Variants in SARS1 observed in about 807,000 individuals in gnomAD.
The protein encoded by SARS1 is serine--tRNA ligase, cytoplasmic.
SARS1 carries 25 observed loss-of-function variants against 63.7 expected under a neutral mutation model. That is an observed-to-expected ratio of 0.39 (90% CI 0.29 to 0.55). The LOEUF (loss-of-function observed/expected upper bound fraction) is 0.55, where lower values mean the gene tolerates loss of function less well. SARS1 is among the 20% of genes least tolerant of loss of function. The probability of loss-of-function intolerance (pLI) is 0.62; values close to 1 mark genes in which losing one functional copy is unlikely to be tolerated. For missense variants in SARS1, 417 were observed against 649.7 expected, an observed-to-expected ratio of 0.64 and a Z score of 3.89; for synonymous variants, 231 against 243.5, an observed-to-expected ratio of 0.95 and a Z score of 0.48.
rs147863556 is a variant in SARS1, at chr1:109,222,473, G to C, written c.137-1505G>C. On this transcript the variant is annotated intron_variant, in intron 1 of 10. Coordinates refer to ENST00000234677, the MANE Select transcript of SARS1 (RefSeq NM_006513.4). ...TACAGAACTGTTTCATCACCACAAA[G>C]ATCCTTCTTGCTATCTCTTTGTAGT... Among the ~76,000 whole-genome samples, 35 of 152,240 alleles carry C rather than the reference G, an allele frequency of 2.3e-4. 2 individuals are homozygous for C. In the East Asian group the frequency reaches 6.2e-3, roughly 27 times the overall value.
chr1:109,219,262 C>CATATATATATATATATATATATGTATAT (rs1654866415), intron 1 of SARS1, among the ~76,000 whole-genome samples: 1 of 76,936 alleles, frequency 1.3e-5, no homozygotes, highest in Non-Finnish European at 2.8e-5. Flanking sequence ...CAAGACTCTC[C>CATATATATATATATATATATATGTATAT]ATATATATAT....
At chr1:109,215,496 G>T in intron 1 of SARS1, 1 of 984,510 alleles carries the variant, frequency 1.0e-6, no homozygotes, top group Non-Finnish European at 1.2e-6. Flanking sequence ...CAGTATATAT[G>T]TGGATATACA....
Position 109,237,103 on chromosome 1 carries a change from A to C in SARS1, c.1258-141A>C. 1 of 1,348,548 alleles carries C rather than the reference A, an allele frequency of 7.4e-7. No individual in the cohort carries two copies. The highest frequency in any genetic ancestry group is 2.4e-5 in the East Asian group (1 of 42,194). The allele number at this position is 1,348,548 out of a possible 1,614,324, so 83.5% of individuals were successfully genotyped here. A position where few individuals can be genotyped will look rare whatever the true frequency, so the allele number is the denominator to read the frequency against. On this transcript the variant is annotated intron_variant, in intron 9 of 10. Transcript: ENST00000234677. This position sits in a 1 kb window ranked among gnomAD's most constrained non-coding sequence, Gnocchi z 4.1. ...TACCAAATAATTCAAATTTAGAAAA[A>C]AGTTGCTAAGGGGTAGAACCCATCA...
chr1:109,235,112 T>C lies in SARS1; in HGVS notation c.748-98T>C. ...CTCCCAGGCAGGGATTAAAGGAAAT[T>C]TTTCCTGCACTATTATTGATCTCTT... On this transcript the variant is annotated intron_variant, in intron 6 of 10. Coordinates refer to ENST00000234677, the MANE Select transcript of SARS1 (RefSeq NM_006513.4). The surrounding 1 kb of genome is among the most constrained non-coding windows in gnomAD (Gnocchi z 4.7). The C allele has an allele frequency of 1.0e-6, 1 of 979,190 alleles. No homozygotes were observed. Among genetic ancestry groups the C allele is most frequent in the South Asian group, 1.4e-5 (1 of 72,616 alleles). The allele number at this position is 979,190 out of a possible 1,614,324, so 60.7% of individuals were successfully genotyped here.
chr1:109,222,060 TG>T (rs1365409093), intron 1 of SARS1, among the ~76,000 whole-genome samples: 1 of 128,144 alleles, frequency 7.8e-6, no homozygotes, highest in East Asian at 2.4e-4. Flanking sequence ...GACAGGGTTT[TG>T]CCACGTTGCC....
chr1:109,230,817 AT>A (rs1186676899), intron 4 of SARS1, 60 bp from the exon 5 acceptor site: 221 of 1,471,036 alleles, frequency 1.5e-4, no homozygotes, highest in East Asian at 2.0e-4. Flanking sequence ...AAAAAAAAAA[AT>A]AATTTAAAAA....
intron 3 of SARS1, 66 bp downstream of exon 3, chr1:109,228,498 C>G (rs1655139299): frequency 1.8e-6 from 2 of 1,092,162 alleles, no homozygotes; most frequent in African/African-American, 3.1e-5. Context: ...TCCTAGACAG[C>G]AAGTGCTCTC....
chr1:109,216,882 CA>C, intron 1 of SARS1: 3 of 975,624 alleles, frequency 3.1e-6, no homozygotes, highest in Non-Finnish European at 2.4e-6. Context: ...CTCGGCCTCC[CA>C]AAGTGTTGGG....
chr1:109,231,525 C>T, intron 5 of SARS1, 106 bp from the exon 6 acceptor site: 1 of 976,246 alleles, frequency 1.0e-6, no homozygotes, highest in Non-Finnish European at 1.4e-6. Flanking sequence ...CTGCTTGCCC[C>T]TCGGTAGTCC....
chr1:109,214,417 G>A lies in SARS1; in HGVS notation c.136+289G>A. The A allele has an allele frequency of 1.4e-6, 1 of 713,794 alleles. No individual in the cohort carries two copies. Among genetic ancestry groups the A allele is most frequent in the East Asian group, 5.3e-5 (1 of 18,846 alleles). The allele number at this position is 713,794 out of a possible 1,614,324, so 44.2% of individuals were successfully genotyped here. A position where few individuals can be genotyped will look rare whatever the true frequency, so the allele number is the denominator to read the frequency against. On this transcript the variant is annotated intron_variant, in intron 1 of 10. Transcript: ENST00000234677. The surrounding 1 kb of genome is among the most constrained non-coding windows in gnomAD (Gnocchi z 4.6). ...GGAGCTGTCAAGCCTTCCTGCCCCA[G>A]GGGTTGCCAGAACATGCCGGGGCGG... is the stretch of plus-strand genomic sequence containing the variant.
intron 1 of SARS1, among the ~76,000 whole-genome samples, chr1:109,221,695 A>G (rs1319775084): frequency 6.6e-6 from 1 of 151,942 alleles, no homozygotes; most frequent in Non-Finnish European, 1.5e-5. Context: ...TTTAAGACTC[A>G]TATACTGAAA....
At chr1:109,221,289 G>T (rs901879092) in intron 1 of SARS1, among the ~76,000 whole-genome samples, 1 of 152,264 alleles carries the variant, frequency 6.6e-6, no homozygotes, top group African/African-American at 2.4e-5. Context: ...TCGATCTCTT[G>T]ATCTCATGAT....
intron 1 of SARS1, among the ~76,000 whole-genome samples, chr1:109,221,032 A>G (rs978860359): frequency 1.3e-5 from 2 of 151,720 alleles, no homozygotes; most frequent in African/African-American, 4.8e-5. Flanking sequence ...ACTTACAGAA[A>G]AACCCATAGC....
chr1:109,216,030 A>G, intron 1 of SARS1: 1 of 985,216 alleles, frequency 1.0e-6, no homozygotes, highest in South Asian at 4.7e-5. Context: ...TGCATCTATT[A>G]ATTTGATTCT....
intron 1 of SARS1, among the ~76,000 whole-genome samples, chr1:109,223,315 C>T (rs1299916588): frequency 6.6e-6 from 1 of 152,212 alleles, no homozygotes; most frequent in Non-Finnish European, 1.5e-5. Flanking sequence ...CTGTGCATAG[C>T]ACCTAGTTTC....
chr1:109,218,863 C>T (rs1251420521), intron 1 of SARS1, among the ~76,000 whole-genome samples: 1 of 152,076 alleles, frequency 6.6e-6, no homozygotes, highest in Non-Finnish European at 1.5e-5. Flanking sequence ...TGTATATACC[C>T]TTCAAAAACT....
At chr1:109,236,616 C>A in intron 9 of SARS1, 68 bp downstream of exon 9, 2 of 1,560,516 alleles carry the variant, frequency 1.3e-6, no homozygotes, top group South Asian at 1.2e-5. Context: ...TATTTCTCAG[C>A]CTTTGGGGTG....
intron 1 of SARS1, among the ~76,000 whole-genome samples, chr1:109,221,386 A>G (rs1342288564): frequency 1.3e-5 from 2 of 152,220 alleles, no homozygotes; most frequent in East Asian, 3.9e-4. Flanking sequence ...GAAATATCGA[A>G]TGCTTTCCCC....
chr1:109,216,222 C>T (rs887338928), intron 1 of SARS1: 4 of 985,358 alleles, frequency 4.1e-6, no homozygotes, highest in South Asian at 4.7e-5. Flanking sequence ...GGCTTATAAC[C>T]AGAGCCACAT....
Sources: allele counts gnomAD v4.1 joint callset (sites outside exome capture counted in the v4.1 genomes callset), GRCh38; gene constraint gnomAD v4.1.1; non-coding constraint Gnocchi (gnomAD v3.1); transcripts MANE v1.5; gene names NCBI Gene and HGNC (gene_info 2026-07-23, HGNC 2026-07-21).